RAB30: variants seen among roughly 807,000 people sequenced by gnomAD.
RAB30 encodes the protein ras-related protein Rab-30.
A neutral mutation model predicts 25.1 loss-of-function variants in RAB30; 9 were observed. The ratio of observed to expected loss-of-function variants is 0.36; its 90% CI spans 0.22 to 0.63. The LOEUF (loss-of-function observed/expected upper bound fraction) is 0.63, where lower values mean the gene tolerates loss of function less well. Ranked by LOEUF, RAB30 falls within the 20% of genes least tolerant of loss-of-function variation. RAB30 has a pLI of 0.69. For missense variants in RAB30, 140 were observed against 243.5 expected, an observed-to-expected ratio of 0.58 and a Z score of 2.83; for synonymous variants, 77 against 86.4, an observed-to-expected ratio of 0.89 and a Z score of 0.60.
intron 1 of RAB30, among the ~76,000 whole-genome samples, chr11:83,048,526 C>T (rs1294967250): frequency 1.3e-5 from 2 of 151,820 alleles, no homozygotes; most frequent in Non-Finnish European, 2.9e-5. Context: ...CTTCATAAAC[C>T]AGAAGAGAGA....
In RAB30 at chr11:82,981,972, G is replaced by T; in HGVS notation, c.*193C>A. 1 of 679,828 alleles carries T rather than the reference G, an allele frequency of 1.5e-6. No individual in the cohort carries two copies. Among genetic ancestry groups the T allele is most frequent in the Non-Finnish European group, 2.4e-6 (1 of 412,046 alleles). The allele number at this position is 679,828 out of a possible 1,614,324, so 42.1% of individuals were successfully genotyped here. A position where few individuals can be genotyped will look rare whatever the true frequency, so the allele number is the denominator to read the frequency against. On this transcript the variant is annotated 3_prime_UTR_variant, in exon 5 of 5. Coordinates refer to ENST00000527633, the MANE Select transcript of RAB30 (RefSeq NM_001286060.2). ...TTGCTCCAACTCCAGACTGGAAAAG[G>T]GTGAAACCATTATATGTTCTGCTAA...
intron 2 of RAB30, 147 bp from the exon 3 acceptor site, chr11:82,994,269 G>A: frequency 1.5e-6 from 1 of 650,360 alleles, no homozygotes. Context: ...ACTCTCAAGG[G>A]AGCCCTGTGC....
intron 1 of RAB30, chr11:83,041,033 A>C (rs1191024645): frequency 1.3e-5 from 2 of 152,148 alleles, no homozygotes; most frequent in Non-Finnish European, 2.9e-5. Flanking sequence ...ATCTCTACCA[A>C]AAAAATACAA....
chr11:83,067,467 C>G (rs1434172751), intron 1 of RAB30, among the ~76,000 whole-genome samples: 1 of 152,178 alleles, frequency 6.6e-6, no homozygotes, highest in Non-Finnish European at 1.5e-5. Context: ...ACATCCTACA[C>G]ATGGACAGCA....
chr11:83,070,221 C>A (rs1377866034), intron 1 of RAB30, among the ~76,000 whole-genome samples: 1 of 152,126 alleles, frequency 6.6e-6, no homozygotes, highest in Non-Finnish European at 1.5e-5. Context: ...GACGCAGAGG[C>A]AAAGGCTAAC....
chr11:83,045,626 G>A (rs1312017354), intron 1 of RAB30, among the ~76,000 whole-genome samples: 1 of 152,156 alleles, frequency 6.6e-6, no homozygotes, highest in Non-Finnish European at 1.5e-5. Context: ...CCACTTATTG[G>A]CTTGGTGGCT....
intron 1 of RAB30, among the ~76,000 whole-genome samples, chr11:83,012,865 G>A (rs17144500): frequency 1.3e-5 from 2 of 151,858 alleles, no homozygotes; most frequent in African/African-American, 2.4e-5. Flanking sequence ...CTATGATCAC[G>A]CAGTCTTGCC....
At chr11:82,987,933 A>G (rs1856772080) in intron 3 of RAB30, among the ~76,000 whole-genome samples, 163 bp from the exon 4 acceptor site, 1 of 95,926 alleles carries the variant, frequency 1.0e-5, no homozygotes, top group South Asian at 3.6e-4. Flanking sequence ...AAAAAAAAAA[A>G]GCACTGAAAA....
At chr11:83,024,789 A>G (rs1264983492) in intron 1 of RAB30, among the ~76,000 whole-genome samples, 1 of 152,264 alleles carries the variant, frequency 6.6e-6, no homozygotes. Context: ...GCTGCCTACG[A>G]TGTACCCCTC....
chr11:82,986,078 A>T (rs944062418), intron 4 of RAB30, among the ~76,000 whole-genome samples: 4 of 152,216 alleles, frequency 2.6e-5, no homozygotes, highest in Non-Finnish European at 2.9e-5. Context: ...GTTTTTAAGG[A>T]TACTAAGGAA....
intron 1 of RAB30, among the ~76,000 whole-genome samples, chr11:83,017,208 G>A (rs113147124): frequency 2.0e-5 from 3 of 151,976 alleles, no homozygotes; most frequent in African/African-American, 4.8e-5. Flanking sequence ...GCATGTTGGC[G>A]TGCTCCTGTA....
At chr11:83,053,021 G>A (rs1373967931) in intron 1 of RAB30, among the ~76,000 whole-genome samples, 2 of 152,172 alleles carry the variant, frequency 1.3e-5, no homozygotes, top group African/African-American at 4.8e-5. Flanking sequence ...ACAGGGAACT[G>A]GAGCTGTCCT....
At chr11:83,052,380 G>T (rs1050681584) in intron 1 of RAB30, among the ~76,000 whole-genome samples, 1 of 152,146 alleles carries the variant, frequency 6.6e-6, no homozygotes, top group Admixed American at 6.5e-5. Context: ...CCTGACCTCG[G>T]ATCCTCTATC....
In RAB30 at chr11:83,008,513, A is replaced by G. The variant is rs140367962; in HGVS notation, c.-8-11189T>C. Reference sequence around the variant, plus strand: ...ATTATTGCATCCTTGAATCAACCCCATTGGGCAGAATTTCTTACATACTGT... The same window carrying G: ...ATTATTGCATCCTTGAATCAACCCCGTTGGGCAGAATTTCTTACATACTGT... On this transcript the variant is annotated intron_variant, in intron 1 of 4. Coordinates refer to ENST00000527633, the MANE Select transcript of RAB30 (RefSeq NM_001286060.2). Among the ~76,000 whole-genome samples the G allele has an allele frequency of 5.7e-3, 865 of 152,320 alleles. 7 individuals are homozygous for G. Among genetic ancestry groups the G allele is most frequent in the African/African-American group, 0.02 (815 of 41,576 alleles).
At chr11:83,038,038 T>C (rs1858024459) in intron 1 of RAB30, among the ~76,000 whole-genome samples, 1 of 151,990 alleles carries the variant, frequency 6.6e-6, no homozygotes, top group Non-Finnish European at 1.5e-5. Flanking sequence ...TTCTCTGTCA[T>C]TGGAAGGGTT....
intron 1 of RAB30, chr11:83,034,011 C>T (rs1469580562): frequency 1.3e-5 from 2 of 152,278 alleles, no homozygotes; most frequent in African/African-American, 4.8e-5. Context: ...TCCTCAAAAG[C>T]AAGCTGTAAC....
At chr11:83,027,336 A>G (rs953839515) in intron 1 of RAB30, among the ~76,000 whole-genome samples, 1 of 152,192 alleles carries the variant, frequency 6.6e-6, no homozygotes, top group Non-Finnish European at 1.5e-5. Context: ...AGGGGGAAAC[A>G]TATCACAGAT....
intron 1 of RAB30, among the ~76,000 whole-genome samples, chr11:83,012,752 GA>G (rs1169601698): frequency 6.6e-6 from 1 of 152,080 alleles, no homozygotes; most frequent in Non-Finnish European, 1.5e-5. Context: ...ATTGTTGGGC[GA>G]AAGTTCAAAT....
At chr11:83,057,197 G>A (rs1858474915) in intron 1 of RAB30, among the ~76,000 whole-genome samples, 1 of 150,226 alleles carries the variant, frequency 6.7e-6, no homozygotes, top group Non-Finnish European at 1.5e-5. Flanking sequence ...CGGATCACTT[G>A]AGGGTTTTTT....
Sources: gnomAD v4.1 joint callset for allele counts (sites outside exome capture counted in the v4.1 genomes callset) on GRCh38, gnomAD v4.1.1 for gene constraint, MANE v1.5 for transcripts, NCBI Gene and HGNC (gene_info 2026-07-23, HGNC 2026-07-21) for gene names.